The following RAB11FIP4 variants were observed in gnomAD, a reference collection of about 807,000 sequenced individuals.
RAB11FIP4 encodes RAB11 family interacting protein 4.
In RAB11FIP4, 23 loss-of-function variants were observed where a neutral mutation model predicts 74.3. The ratio of observed to expected loss-of-function variants is 0.31; its 90% CI spans 0.22 to 0.44. The LOEUF (loss-of-function observed/expected upper bound fraction) is 0.44. Ranked by LOEUF, RAB11FIP4 falls within the 20% of genes least tolerant of loss-of-function variation. The pLI, the probability that RAB11FIP4 is intolerant of heterozygous loss-of-function variation, is 1.00. For synonymous variants in RAB11FIP4, 360 were observed against 359.9 expected, an observed-to-expected ratio of 1.00 and a Z score of 0.00; for missense variants, 630 against 863.9, an observed-to-expected ratio of 0.73 and a Z score of 3.39.
rs190986566 is a variant in RAB11FIP4, at chr17:31,424,178, C to T, written c.160-7635C>T. 1.7e-3 allele frequency among the ~76,000 whole-genome samples: 260 copies of T among 152,258 alleles called. 1 individual carries two copies. The highest frequency in any genetic ancestry group is 5.8e-3 in the African/African-American group (241 of 41,556). The stretch of plus-strand genomic sequence containing the variant: ...TCACCACCGTATTCATCTTACTTAA[C>T]GTTTTTGTTTTCCTCCCCAATTCAC... On this transcript the variant is annotated intron_variant, in intron 1 of 14. Coordinates refer to ENST00000621161, the MANE Select transcript of RAB11FIP4 (RefSeq NM_032932.6).
At chr17:31,438,068 G>A (rs1567655636) in intron 3 of RAB11FIP4, among the ~76,000 whole-genome samples, 1 of 152,258 alleles carries the variant, frequency 6.6e-6, no homozygotes, top group East Asian at 1.9e-4. Context: ...AATGTTAGGT[G>A]TGTCCTGAAG....
chr17:31,530,706 G>A (rs1399736478), intron 14 of RAB11FIP4, among the ~76,000 whole-genome samples: 1 of 152,214 alleles, frequency 6.6e-6, no homozygotes, highest in Non-Finnish European at 1.5e-5. Flanking sequence ...AGAGTGGAGT[G>A]TGAGTCTTAG....
intron 1 of RAB11FIP4, among the ~76,000 whole-genome samples, chr17:31,400,995 G>T (rs1021788606): frequency 2.0e-5 from 3 of 152,242 alleles, no homozygotes; most frequent in Non-Finnish European, 4.4e-5. Context: ...TTGGCCGGGA[G>T]CGGTGGCTCA....
At chr17:31,497,278 C>T (rs963574328) in intron 3 of RAB11FIP4, among the ~76,000 whole-genome samples, 2 of 152,054 alleles carry the variant, frequency 1.3e-5, no homozygotes, top group Admixed American at 6.5e-5. Context: ...GCAGGAGAAT[C>T]GCTGGAACCC....
At chr17:31,531,475 CT>C in intron 14 of RAB11FIP4, 140 bp from the exon 15 acceptor site, 1 of 652,536 alleles carries the variant, frequency 1.5e-6, no homozygotes, top group Non-Finnish European at 2.7e-6. Flanking sequence ...AATGCTGAGG[CT>C]GTCCTGGGGC....
At chr17:31,523,759 TC>T in intron 8 of RAB11FIP4, 133 bp from the exon 9 acceptor site, 1 of 991,470 alleles carries the variant, frequency 1.0e-6, no homozygotes, top group Non-Finnish European at 1.6e-6. Context: ...TGTTCCCCAC[TC>T]CCCCACCCCA....
chr17:31,516,926 G>T (rs2072563082), intron 3 of RAB11FIP4, among the ~76,000 whole-genome samples: 1 of 152,108 alleles, frequency 6.6e-6, no homozygotes, highest in South Asian at 2.1e-4. Flanking sequence ...GTGGCCCACA[G>T]TCAGTTTGAT....
chr17:31,521,196 C>G lies in RAB11FIP4; in HGVS notation c.594C>G (p.Thr198=), dbSNP rs775246928. Residue 198 remains threonine (T), a synonymous_variant, in exon 5 of 15, where the codon ACC becomes ACG. Coordinates refer to ENST00000621161, the MANE Select transcript of RAB11FIP4 (RefSeq NM_032932.6). ...KSLVHTPSMT[T]SDLSTHSTTS... is the part of the protein sequence containing the mutation. ...TGGTCCACACTCCATCCATGACGAC[C>G]TCAGACCTTTCTACACACTCCACCA... 7.4e-6 allele frequency: 12 copies of G among 1,610,782 alleles called. No homozygotes were observed. The South Asian group carries it at 1.3e-4, about 18-fold the overall frequency.
chr17:31,521,866 C>T (rs1482232329), intron 5 of RAB11FIP4, 49 bp from the exon 6 acceptor site: 2 of 1,610,390 alleles, frequency 1.2e-6, no homozygotes, highest in African/African-American at 1.3e-5. Flanking sequence ...GTGTAGGGCA[C>T]CAGACTGGAC....
chr17:31,527,723 T>A (rs933102847), intron 10 of RAB11FIP4, 119 bp from the exon 11 acceptor site: 1 of 675,970 alleles, frequency 1.5e-6, no homozygotes, highest in Admixed American at 3.1e-5. Context: ...ATTCTTTCTC[T>A]CAGTTGGTTT....
At chr17:31,495,829 G>A (rs1206011926) in intron 3 of RAB11FIP4, among the ~76,000 whole-genome samples, 2 of 152,318 alleles carry the variant, frequency 1.3e-5, no homozygotes, top group African/African-American at 4.8e-5. Flanking sequence ...TCATGTGCTT[G>A]TGTGGAGTTG....
rs556983406 is a variant in RAB11FIP4 at position 31,519,554 on chromosome 17, G to A, written c.564-1612G>A. 8.5e-5 allele frequency among the ~76,000 whole-genome samples: 13 copies of A among 152,268 alleles called. No homozygotes were observed. In the East Asian group the frequency reaches 1.5e-3, roughly 18 times the overall value. ...GGGAAGCTGCCACCATTGTGGCTGA[G>A]GAAGCCGAGGGGGTTGCAAGTGGCA... On this transcript the variant is annotated intron_variant, in intron 4 of 14. Transcript: ENST00000621161.
Position 31,528,634 on chromosome 17 carries a change from G to T in RAB11FIP4, c.1509G>T (p.Leu503Phe). The change falls in exon 13 of 15, where the codon TTG becomes TTT. Residue 503 changes from leucine to phenylalanine, a missense_variant. Coordinates refer to ENST00000621161, the MANE Select transcript of RAB11FIP4 (RefSeq NM_032932.6). Reference protein sequence around the residue: ...REATQELIEDLRKELEHLQMY... With the variant: ...REATQELIEDFRKELEHLQMY... The stretch of plus-strand genomic sequence containing the variant: ...CTCCCTCGCAGCTCATCGAGGACTT[G>T]CGGAAGGAGCTGGAGCACCTGCAGA... 6.2e-7 allele frequency: 1 copy of T among 1,613,570 alleles called. No individual in the cohort carries two copies. Among genetic ancestry groups the T allele is most frequent in the South Asian group, 1.1e-5 (1 of 91,068 alleles).
In RAB11FIP4 at chr17:31,537,041, T is replaced by C; in HGVS notation, c.*5309T>C. 1 of 399,356 alleles carries C rather than the reference T, an allele frequency of 2.5e-6. No individual in the cohort carries two copies. The highest frequency in any genetic ancestry group is 4.4e-6 in the Non-Finnish European group (1 of 226,250). The allele number at this position is 399,356 out of a possible 1,614,324, so 24.7% of individuals were successfully genotyped here. On this transcript the variant is annotated 3_prime_UTR_variant, in exon 15 of 15. Transcript: ENST00000621161. ...CTCCTGCAGGATCCAAGTGCTGTTG[T>C]CCCCAGGGTGACCCTGCCTCCTGCT...
At chr17:31,418,964 C>T (rs1009971843) in intron 1 of RAB11FIP4, among the ~76,000 whole-genome samples, 2 of 152,182 alleles carry the variant, frequency 1.3e-5, no homozygotes, top group African/African-American at 4.8e-5. Flanking sequence ...CTCCTCCTCG[C>T]TCTTGGCACC....
In RAB11FIP4 at chr17:31,484,374, C is replaced by T. The variant is rs185193049; in HGVS notation, c.337-33277C>T. ...GAGTGAGCCACTGCGCCGGGCCTGA[C>T]ATTGTCTCTTTAAAAAAAAAAAGGA... On this transcript the variant is annotated intron_variant, in intron 3 of 14. Coordinates refer to ENST00000621161, the MANE Select transcript of RAB11FIP4 (RefSeq NM_032932.6). Among the ~76,000 whole-genome samples, 368 of 150,560 alleles carry T rather than the reference C, an allele frequency of 2.4e-3. 2 individuals carry two copies. In the Middle Eastern group the frequency reaches 0.031, roughly 13 times the overall value.
chr17:31,517,645 T>C lies in RAB11FIP4; in HGVS notation c.337-6T>C, dbSNP rs766954365. ...ACTTATCTTGTCTCTGCTCTCTCTTTCCCAGGGCAGCGAGGTCACAGGCCC... is the reference window on the plus strand; with the variant it reads ...ACTTATCTTGTCTCTGCTCTCTCTTCCCCAGGGCAGCGAGGTCACAGGCCC... On this transcript the variant is annotated splice_region_variant and splice_polypyrimidine_tract_variant and intron_variant, in intron 3 of 14. Transcript: ENST00000621161. 5.6e-6 allele frequency: 9 copies of C among 1,595,520 alleles called. No homozygotes were observed. Among genetic ancestry groups the C allele is most frequent in the Non-Finnish European group, 7.7e-6 (9 of 1,171,680 alleles).
intron 1 of RAB11FIP4, among the ~76,000 whole-genome samples, chr17:31,407,796 A>C (rs995700166): frequency 6.6e-6 from 1 of 152,132 alleles, no homozygotes; most frequent in Admixed American, 6.5e-5. Flanking sequence ...GGTGGTGTCT[A>C]CCTCATCTAT....
At chr17:31,504,132 CTT>C (rs1380330116) in intron 3 of RAB11FIP4, among the ~76,000 whole-genome samples, 20 of 136,254 alleles carry the variant, frequency 1.5e-4, no homozygotes, top group Admixed American at 2.2e-4. Flanking sequence ...ACTACTACTT[CTT>C]TTTTTTTTTT....
Sources: allele counts gnomAD v4.1 joint callset (sites outside exome capture counted in the v4.1 genomes callset), GRCh38; gene constraint gnomAD v4.1.1; transcripts MANE v1.5; gene names NCBI Gene and HGNC (gene_info 2026-07-23, HGNC 2026-07-21).